The following TEX9 variants were observed in gnomAD, a reference collection of about 807,000 sequenced individuals.
The protein encoded by TEX9 is testis expressed 9, also known as testis-expressed protein 9.
TEX9 carries 74 observed loss-of-function variants against 59.6 expected under a neutral mutation model. The ratio of observed to expected loss-of-function variants is 1.24; its 90% CI spans 1.03 to 1.51. TEX9 has a LOEUF of 1.51. Ranked by LOEUF, TEX9 falls within the 40% of genes most tolerant of loss-of-function variation. The probability of loss-of-function intolerance (pLI) is 0.00; values close to 1 mark genes in which losing one functional copy is unlikely to be tolerated. For synonymous variants in TEX9, 186 were observed against 152.2 expected, an observed-to-expected ratio of 1.22 and a Z score of -1.64; for missense variants, 522 against 447.8, an observed-to-expected ratio of 1.17 and a Z score of -1.49.
intron 10 of TEX9, among the ~76,000 whole-genome samples, chr15:56,413,253 T>TATTTAATTATTAAATAATTTA (rs1425312503): frequency 5.3e-4 from 25 of 47,284 alleles, no homozygotes; most frequent in East Asian, 2.3e-3. Flanking sequence ...TAATTTAATT[T>TATTTAATTATTAAATAATTTA]ATTTAATTAA....
upstream of TEX9, among the ~76,000 whole-genome samples, chr15:56,362,769 C>T (rs541724098): frequency 5.6e-4 from 86 of 152,238 alleles, 1 homozygote; most frequent in African/African-American, 1.9e-3. Flanking sequence ...TTGCCTATTG[C>T]GGACATTTCC....
chr15:56,399,377 C>T (rs1240539461), intron 9 of TEX9, among the ~76,000 whole-genome samples: 4 of 152,346 alleles, frequency 2.6e-5, no homozygotes, highest in East Asian at 1.9e-4. Flanking sequence ...AGTCTGAGAT[C>T]GAACTGCGAG....
chr15:56,328,080 G>A (rs2162217), intron 1 of TEX9, among the ~76,000 whole-genome samples: 2 of 151,036 alleles, frequency 1.3e-5, no homozygotes, highest in Non-Finnish European at 2.9e-5. Context: ...AAATAGCCCC[G>A]CTTCCTTCTG....
At chr15:56,418,045 C>G (rs1319508317) in intron 10 of TEX9, among the ~76,000 whole-genome samples, 2 of 151,828 alleles carry the variant, frequency 1.3e-5, no homozygotes, top group Non-Finnish European at 2.9e-5. Context: ...TTTCCTCTAT[C>G]CCTTTATTTT....
chr15:56,309,656 A>G (rs1161762696), intron 1 of TEX9, among the ~76,000 whole-genome samples: 2 of 103,908 alleles, frequency 1.9e-5, no homozygotes, highest in African/African-American at 7.8e-5. Flanking sequence ...AGTGGAATTT[A>G]TTGGTAAAGC....
intron 1 of TEX9, among the ~76,000 whole-genome samples, chr15:56,297,027 GCAA>G (rs201959634): frequency 2.6e-5 from 4 of 151,756 alleles, no homozygotes; most frequent in Non-Finnish European, 4.4e-5. Flanking sequence ...AGCTAAAACA[GCAA>G]CAACAACAAC....
At chr15:56,363,268 CTTTT>C (rs749991135), upstream of TEX9, among the ~76,000 whole-genome samples, 1 of 142,818 alleles carries the variant, frequency 7.0e-6, no homozygotes, top group Non-Finnish European at 1.5e-5. Context: ...ATTGTCCATC[CTTTT>C]TTTTTTTTTT....
At chr15:56,269,964 G>A (rs1385922563) in intron 1 of TEX9, among the ~76,000 whole-genome samples, 1 of 152,082 alleles carries the variant, frequency 6.6e-6, no homozygotes, top group Non-Finnish European at 1.5e-5. Flanking sequence ...CCCTGAGTGA[G>A]TTTCTTAATC....
intron 1 of TEX9, among the ~76,000 whole-genome samples, chr15:56,317,383 C>T (rs1459521583): frequency 6.6e-6 from 1 of 152,166 alleles, no homozygotes; most frequent in Non-Finnish European, 1.5e-5. Context: ...ATATCTGCCC[C>T]CTTCTTTATT....
chr15:56,316,330 G>T (rs1309407666), intron 1 of TEX9, among the ~76,000 whole-genome samples: 4 of 151,978 alleles, frequency 2.6e-5, no homozygotes, highest in African/African-American at 9.7e-5. Context: ...TGGGTTTTTG[G>T]TGTGGTTGTC....
chr15:56,390,518 A>C (rs1424284602), intron 6 of TEX9, among the ~76,000 whole-genome samples: 1 of 152,022 alleles, frequency 6.6e-6, no homozygotes, highest in Non-Finnish European at 1.5e-5. Flanking sequence ...GCCTTTGCTT[A>C]TGTTTTAAAA....
chr15:56,252,655 T>A lies in TEX9; in HGVS notation c.-107+8377T>A, dbSNP rs151279767. 6.6e-5 allele frequency among the ~76,000 whole-genome samples: 10 copies of A among 152,278 alleles called. No homozygotes were observed. In the East Asian group the frequency reaches 1.9e-3, roughly 29 times the overall value. On this transcript the variant is annotated intron_variant, in intron 1 of 5. Transcript: ENST00000560827. ...CTTTTAAGGAAAAGAGTCTGCTGCG[T>A]GCTTCCTGTAACCTCTAGTTTCTTA...
the TEX9 span, among the ~76,000 whole-genome samples, chr15:56,458,385 C>T: frequency 6.6e-6 from 1 of 152,290 alleles, no homozygotes; most frequent in South Asian, 2.1e-4. Context: ...GCTCAGCTTC[C>T]CCTTCTATCA....
chr15:56,359,576 A>G (rs1286255701), intron 1 of TEX9, among the ~76,000 whole-genome samples: 1 of 152,144 alleles, frequency 6.6e-6, no homozygotes, highest in Non-Finnish European at 1.5e-5. Flanking sequence ...TGTATTGTCC[A>G]TTCTATGTAT....
the TEX9 span, among the ~76,000 whole-genome samples, chr15:56,458,551 T>A: frequency 6.6e-6 from 1 of 152,232 alleles, no homozygotes; most frequent in Admixed American, 6.5e-5. Flanking sequence ...CATAATCATA[T>A]GTATCTACCG....
chr15:56,314,503 T>C (rs1433682818), intron 1 of TEX9, among the ~76,000 whole-genome samples: 1 of 142,244 alleles, frequency 7.0e-6, no homozygotes, highest in Non-Finnish European at 1.5e-5. Flanking sequence ...GATTGCACTG[T>C]GGTCTGAGAG....
At chr15:56,244,484 C>A (rs1259711283) in intron 1 of TEX9, among the ~76,000 whole-genome samples, 3 of 152,106 alleles carry the variant, frequency 2.0e-5, no homozygotes, top group South Asian at 4.1e-4. Flanking sequence ...CAAGAACTCC[C>A]GGCTCCAATC....
rs548641384 is a variant in TEX9, at chr15:56,407,132, T to C, written c.829-5170T>C. On this transcript the variant is annotated intron_variant, in intron 9 of 12. Coordinates refer to ENST00000352903, the Ensembl canonical transcript of TEX9. ...AAATCATATATAAATTGACCTGTAA[T>C]CTATTTCAAGTTCATTTTGTGTGTG... Among the ~76,000 whole-genome samples the C allele has an allele frequency of 2.8e-3, 433 of 152,200 alleles. 3 individuals are homozygous for C. The highest frequency in any genetic ancestry group is 0.01 in the African/African-American group (417 of 41,554).
intron 1 of TEX9, among the ~76,000 whole-genome samples, chr15:56,326,321 G>A (rs2046018561): frequency 6.6e-6 from 1 of 152,012 alleles, no homozygotes; most frequent in Non-Finnish European, 1.5e-5. Context: ...TTTGAAAGTA[G>A]TTTTCATGCC....
Sources: gnomAD v4.1 joint callset for allele counts (sites outside exome capture counted in the v4.1 genomes callset) on GRCh38, gnomAD v4.1.1 for gene constraint, MANE v1.5 for transcripts, NCBI Gene and HGNC (gene_info 2026-07-23, HGNC 2026-07-21) for gene names.